RSBN1L: variants seen among roughly 807,000 people sequenced by gnomAD.
RSBN1L encodes lysine-specific demethylase RSBN1L.
Under a neutral mutation model 67.7 loss-of-function variants are expected in RSBN1L, and 30 were observed. The observed-to-expected ratio is 0.44, with a 90% CI of 0.33 to 0.60. The LOEUF (loss-of-function observed/expected upper bound fraction) is 0.60, where lower values mean the gene tolerates loss of function less well. Ranked by LOEUF, RSBN1L falls within the 20% of genes least tolerant of loss-of-function variation. The pLI, the probability that RSBN1L is intolerant of heterozygous loss-of-function variation, is 0.02. For synonymous variants in RSBN1L, 433 were observed against 387.0 expected (o/e 1.12, Z -1.39); for missense variants, 992 against 1,031.7 (o/e 0.96, Z 0.53).
intron 1 of RSBN1L, among the ~76,000 whole-genome samples, chr7:77,702,449 T>G (rs1410748182): frequency 6.6e-6 from 1 of 152,240 alleles, no homozygotes; most frequent in Non-Finnish European, 1.5e-5. Context: ...TATTTCTGTT[T>G]GTTTTGGTTG....
chr7:77,736,213 A>G lies in RSBN1L; in HGVS notation c.587-197A>G, dbSNP rs3764825. Among the ~76,000 whole-genome samples the G allele has an allele frequency of 7.9e-5, 12 of 152,262 alleles. 1 individual carries two copies. The East Asian group carries it at 2.3e-3, about 29-fold the overall frequency. The stretch of plus-strand genomic sequence containing the variant: ...AAATGTATAATGATACATTTTGACA[A>G]TATGTATTTCATATTCAATAAAAAG... On this transcript the variant is annotated intron_variant, in intron 1 of 7. Coordinates refer to ENST00000334955, the MANE Select transcript of RSBN1L (RefSeq NM_198467.3).
At chr7:77,705,509 G>GTTTT (rs1562792996) in intron 1 of RSBN1L, among the ~76,000 whole-genome samples, 1 of 82,698 alleles carries the variant, frequency 1.2e-5, no homozygotes. Context: ...CCATTGTAAT[G>GTTTT]GTTTTTTTTT....
chr7:77,722,966 TTC>T (rs1458387563), intron 1 of RSBN1L, among the ~76,000 whole-genome samples: 2 of 110,130 alleles, frequency 1.8e-5, no homozygotes, highest in East Asian at 2.1e-4. Context: ...TCTTTCTCTC[TTC>T]TTTTTTTTTT....
chr7:77,710,165 C>G (rs1044751124), intron 1 of RSBN1L, among the ~76,000 whole-genome samples: 1 of 152,198 alleles, frequency 6.6e-6, no homozygotes, highest in Non-Finnish European at 1.5e-5. Context: ...AGTGGGCTCC[C>G]TATTTCAGAT....
chr7:77,746,266 C>T (rs1416756168), intron 2 of RSBN1L, among the ~76,000 whole-genome samples: 2 of 152,132 alleles, frequency 1.3e-5, no homozygotes, highest in African/African-American at 2.4e-5. Context: ...GCTCAGCTTT[C>T]GGGAGGCCTC....
Position 77,749,406 on chromosome 7 carries a change from A to T in RSBN1L, c.704-18A>T. Reference sequence around the variant, plus strand: ...AGTAATTAAAATATGGAGTTTCAAAAAACATTTTTTCCAACAGGTGGGAAG... The same window carrying T: ...AGTAATTAAAATATGGAGTTTCAAATAACATTTTTTCCAACAGGTGGGAAG... On this transcript the variant is annotated intron_variant, in intron 2 of 7. Transcript: ENST00000334955. 1 of 1,505,110 alleles carries T rather than the reference A, an allele frequency of 6.6e-7. No individual in the cohort carries two copies. Among genetic ancestry groups the T allele is most frequent in the Non-Finnish European group, 8.9e-7 (1 of 1,128,998 alleles). 93.2% of individuals were successfully genotyped at this position (1,505,110 alleles called of 1,614,324 possible).
Position 77,736,585 on chromosome 7 carries a change from G to A in RSBN1L, c.703+59G>A, listed in dbSNP as rs183611802. The A allele has an allele frequency of 1.4e-4, 129 of 910,254 alleles. 1 individual carries two copies. The Admixed American group carries it at 3.9e-3, about 28-fold the overall frequency. 56.4% of individuals were successfully genotyped at this position (910,254 alleles called of 1,614,324 possible). A position where few individuals can be genotyped will look rare whatever the true frequency, so the allele number is the denominator to read the frequency against. Reference sequence around the variant, plus strand: ...ATTATACTGTTCAGTATCTTTATTGGCTAAGTGAATAAAATAAGAAATGTT... The same window carrying A: ...ATTATACTGTTCAGTATCTTTATTGACTAAGTGAATAAAATAAGAAATGTT... On this transcript the variant is annotated intron_variant, in intron 2 of 7. Coordinates refer to ENST00000334955, the MANE Select transcript of RSBN1L (RefSeq NM_198467.3).
At chr7:77,771,836 C>CT (rs1024439203) in intron 5 of RSBN1L, among the ~76,000 whole-genome samples, 6 of 140,688 alleles carry the variant, frequency 4.3e-5, no homozygotes, top group African/African-American at 1.4e-4. Context: ...ATTTTTTTTT[C>CT]TTTTTTTTAG....
chr7:77,716,624 C>CTTTTTTTTT (rs61611975), intron 1 of RSBN1L, among the ~76,000 whole-genome samples: 1 of 75,290 alleles, frequency 1.3e-5, no homozygotes, highest in Admixed American at 1.7e-4. Flanking sequence ...GTATCTTCAT[C>CTTTTTTTTT]TTTTTTTTTT....
intron 1 of RSBN1L, among the ~76,000 whole-genome samples, chr7:77,702,939 G>T (rs1236439725): frequency 6.6e-6 from 1 of 151,944 alleles, no homozygotes; most frequent in African/African-American, 2.4e-5. Context: ...AGTTACCTCC[G>T]AAAAGCCTTA....
At chr7:77,708,215 G>GT (rs1422586625) in intron 1 of RSBN1L, among the ~76,000 whole-genome samples, 3 of 151,986 alleles carry the variant, frequency 2.0e-5, no homozygotes, top group Admixed American at 2.0e-4. Flanking sequence ...GGGGTAGGGG[G>GT]TGGGATGGTG....
At chr7:77,771,899 T>C (rs1033600500) in intron 5 of RSBN1L, among the ~76,000 whole-genome samples, 1 of 152,140 alleles carries the variant, frequency 6.6e-6, no homozygotes, top group Non-Finnish European at 1.5e-5. Context: ...ACAATACAGA[T>C]AAATACAAAC....
chr7:77,771,269 AG>A (rs1460524064), intron 5 of RSBN1L, among the ~76,000 whole-genome samples: 146 of 152,094 alleles, frequency 9.6e-4, no homozygotes, highest in Middle Eastern at 3.4e-3. Flanking sequence ...AGACGGTTTT[AG>A]CTGTTACAGT....
intron 1 of RSBN1L, among the ~76,000 whole-genome samples, chr7:77,723,502 C>T (rs73372301): frequency 0.1 from 15,398 of 152,130 alleles, 1,100 homozygotes; most frequent in African/African-American, 0.19. Context: ...TAGGGTCTCA[C>T]TCTTTGCCCA....
chr7:77,778,995 T>C lies in RSBN1L; in HGVS notation c.2368T>C (p.Leu790=), dbSNP rs1791957343. Residue 790 remains leucine, a synonymous_variant, in exon 8 of 8, where the codon TTG becomes CTG. Coordinates refer to ENST00000334955, the MANE Select transcript of RSBN1L (RefSeq NM_198467.3). ...GGATGGCAAGAATGTTAAAGCAAAA[T>C]TGGATCATGTTCAATTTGCAGAATT... ...NMDGKNVKAK[L]DHVQFAEFKI... is the part of the protein sequence containing the mutation. 9.3e-6 allele frequency: 15 copies of C among 1,613,862 alleles called. No individual in the cohort carries two copies. Among genetic ancestry groups the C allele is most frequent in the Non-Finnish European group, 1.3e-5 (15 of 1,179,978 alleles).
chr7:77,741,132 G>A (rs968024547), intron 2 of RSBN1L, among the ~76,000 whole-genome samples: 7 of 151,384 alleles, frequency 4.6e-5, no homozygotes, highest in South Asian at 2.1e-4. Context: ...AACTACAGGC[G>A]TGCGCCACCA....
At chr7:77,711,883 A>G (rs1283302850) in intron 1 of RSBN1L, among the ~76,000 whole-genome samples, 3 of 152,194 alleles carry the variant, frequency 2.0e-5, no homozygotes, top group South Asian at 2.1e-4. Context: ...TGGAAAAACC[A>G]TAGGACTGAG....
chr7:77,742,180 A>ACAC (rs60910312), intron 2 of RSBN1L, among the ~76,000 whole-genome samples: 12 of 82,166 alleles, frequency 1.5e-4, no homozygotes, highest in Admixed American at 3.6e-4. Context: ...AAAAAAAAAA[A>ACAC]ATACACACAC....
chr7:77,721,628 G>T (rs1368884114), intron 1 of RSBN1L, among the ~76,000 whole-genome samples: 2 of 152,188 alleles, frequency 1.3e-5, no homozygotes. Flanking sequence ...TTAGCTAAGG[G>T]ATATATTAGT....
Sources: gnomAD v4.1 joint callset for allele counts (sites outside exome capture counted in the v4.1 genomes callset) on GRCh38, gnomAD v4.1.1 for gene constraint, MANE v1.5 for transcripts, NCBI Gene and HGNC (gene_info 2026-07-23, HGNC 2026-07-21) for gene names.